WDCP: variants seen among roughly 807,000 people sequenced by gnomAD.
WDCP encodes WD repeat and coiled-coil-containing protein.
In WDCP, 19 loss-of-function variants were observed where a neutral mutation model predicts 41.6. The ratio of observed to expected loss-of-function variants is 0.46; its 90% CI spans 0.32 to 0.67. The LOEUF is 0.67. Among genes scored for constraint, WDCP ranks in the 30% least tolerant of loss-of-function variants. The probability of loss-of-function intolerance (pLI) is 0.04; values close to 1 mark genes in which losing one functional copy is unlikely to be tolerated. For missense variants in WDCP, 802 were observed against 850.7 expected (o/e 0.94, Z 0.71); for synonymous variants, 302 against 320.8 (o/e 0.94, Z 0.63).
chr2:24,038,039 T>C lies in WDCP; in HGVS notation c.1456A>G (p.Ser486Gly), dbSNP rs1002493346. 1.9e-6 allele frequency: 3 copies of C among 1,614,212 alleles called. No individual in the cohort carries two copies. Among genetic ancestry groups the C allele is most frequent in the Non-Finnish European group, 2.5e-6 (3 of 1,180,028 alleles). ...KGLLLTVNTSSQNGRPGRTLI... is the reference protein window; with the variant it reads ...KGLLLTVNTSGQNGRPGRTLI... The stretch of plus-strand genomic sequence containing the variant: ...GTTCTTCCAGGCCTTCCATTCTGAC[T>C]ACTGGTATTAACTGTCAGCAACAGC... Residue 486 changes from serine (S) to glycine (G), a missense_variant, in exon 2 of 4, where the codon AGT becomes GGT. Coordinates refer to ENST00000295148, the MANE Select transcript of WDCP (RefSeq NM_025203.3).
intron 1 of WDCP, among the ~76,000 whole-genome samples, chr2:24,044,252 A>G (rs915811049): frequency 4.0e-5 from 6 of 150,792 alleles, no homozygotes; most frequent in Non-Finnish European, 7.4e-5. Flanking sequence ...AAAAACAAAC[A>G]TAAGTTTACT....
intron 2 of WDCP, 65 bp downstream of exon 2, chr2:24,037,612 C>T: frequency 1.4e-6 from 2 of 1,464,860 alleles, no homozygotes; most frequent in South Asian, 2.7e-5. Flanking sequence ...CAATACGTTT[C>T]TTGCAGTACT....
At chr2:24,033,048 C>G (rs1478056593) in intron 2 of WDCP, 102 bp from the exon 3 acceptor site, 1 of 763,706 alleles carries the variant, frequency 1.3e-6, no homozygotes, top group Admixed American at 2.1e-5. Flanking sequence ...AAATTCTTAT[C>G]TATTACCACT....
chr2:24,042,702 T>C (rs1248607679), intron 1 of WDCP, among the ~76,000 whole-genome samples: 16 of 143,036 alleles, frequency 1.1e-4, no homozygotes, highest in Non-Finnish European at 1.1e-4. Flanking sequence ...AGAGTGAAAC[T>C]CTGTCTCAAA....
rs1205725858 is a variant in WDCP at position 24,038,038 on chromosome 2, C to T, written c.1457G>A (p.Ser486Asn). 1.9e-6 allele frequency: 3 copies of T among 1,614,046 alleles called. No individual in the cohort carries two copies. The African/African-American group carries it at 4.0e-5, about 22-fold the overall frequency. ...KGLLLTVNTS[S>N]QNGRPGRTLI... Reference sequence around the variant, plus strand: ...TGTTCTTCCAGGCCTTCCATTCTGACTACTGGTATTAACTGTCAGCAACAG... The same window carrying T: ...TGTTCTTCCAGGCCTTCCATTCTGATTACTGGTATTAACTGTCAGCAACAG... The change falls in exon 2 of 4, where the codon AGT (serine) becomes AAT (asparagine). Residue 486 changes from serine (S) to asparagine (N), a missense_variant. Ser to Asn is a conservative substitution (Grantham distance 46, BLOSUM62 1). Transcript: ENST00000295148.
chr2:24,035,873 A>G (rs931532072), intron 2 of WDCP, among the ~76,000 whole-genome samples: 315 of 151,832 alleles, frequency 2.1e-3, no homozygotes, highest in African/African-American at 5.5e-3. Flanking sequence ...GATTGAGCTC[A>G]TCCTGGCCAA....
In WDCP at chr2:24,036,985, T is replaced by C. The variant is rs571502691; in HGVS notation, c.1818+692A>G. ...ATCCCACTTATATAATGTTTGGACA[T>C]GCATGCATAAAGAAATGCATCAAAA... On this transcript the variant is annotated intron_variant, in intron 2 of 3. Coordinates refer to ENST00000295148, the MANE Select transcript of WDCP (RefSeq NM_025203.3). 2.6e-5 allele frequency among the ~76,000 whole-genome samples: 4 copies of C among 152,376 alleles called. No individual in the cohort carries two copies. In the East Asian group the frequency reaches 7.7e-4, roughly 29 times the overall value.
At chr2:24,042,339 C>A (rs1663469263) in intron 1 of WDCP, among the ~76,000 whole-genome samples, 1 of 151,870 alleles carries the variant, frequency 6.6e-6, no homozygotes, top group Non-Finnish European at 1.5e-5. Context: ...AGATCGAGAC[C>A]ATCCTGGCTA....
chr2:24,039,236 C>T lies in WDCP; in HGVS notation c.259G>A (p.Val87Met). ...LAVQHEKHVTVWQLCPSPMES... is the reference protein window; with the variant it reads ...LAVQHEKHVTMWQLCPSPMES... ...ATAGGGCTGGGACACAGCTGCCACA[C>T]AGTGACATGCTTCTCATGCTGGACA... The change falls in exon 2 of 4, where the codon GTG becomes ATG. Residue 87 changes from valine (V) to methionine (M), a missense_variant. Physicochemically the swap from Val to Met is conservative, Grantham distance 21. This residue lies in a region of WDCP where 214 missense variants were observed against 252.9 expected (regional missense o/e 0.85). Coordinates refer to ENST00000295148, the MANE Select transcript of WDCP (RefSeq NM_025203.3). 1 of 1,614,262 alleles carries T rather than the reference C, an allele frequency of 6.2e-7. No individual in the cohort carries two copies. The highest frequency in any genetic ancestry group is 8.5e-7 in the Non-Finnish European group (1 of 1,180,042).
At chr2:24,045,999 G>A (rs1281157768) in intron 1 of WDCP, 1 of 151,946 alleles carries the variant, frequency 6.6e-6, no homozygotes, top group Non-Finnish European at 1.5e-5. Flanking sequence ...TCCCACACCT[G>A]CAGTCCTAGT....
At chr2:24,045,493 T>C (rs1202389078) in intron 1 of WDCP, among the ~76,000 whole-genome samples, 1 of 150,194 alleles carries the variant, frequency 6.7e-6, no homozygotes, top group Non-Finnish European at 1.5e-5. Flanking sequence ...TCCAGCTACT[T>C]GGGAGGCTGC....
chr2:24,044,909 A>C (rs1367707583), intron 1 of WDCP, among the ~76,000 whole-genome samples: 1 of 152,132 alleles, frequency 6.6e-6, no homozygotes, highest in African/African-American at 2.4e-5. Flanking sequence ...TACAGTATAT[A>C]AAAAGCCTCA....
At chr2:24,041,942 A>G (rs1294498828) in intron 1 of WDCP, among the ~76,000 whole-genome samples, 2 of 152,030 alleles carry the variant, frequency 1.3e-5, no homozygotes, top group African/African-American at 4.8e-5. Flanking sequence ...ATACCTGAAT[A>G]CTCACTTTGA....
intron 1 of WDCP, among the ~76,000 whole-genome samples, chr2:24,043,165 C>G (rs1663507615): frequency 6.6e-6 from 1 of 152,080 alleles, no homozygotes; most frequent in African/African-American, 2.4e-5. Context: ...GAAACCTCGT[C>G]TCTACTAAAA....
rs145288775 is a variant in WDCP at position 24,038,521 on chromosome 2, T to G, written c.974A>C (p.Lys325Thr). Residue 325 changes from lysine to threonine, a missense_variant, in exon 2 of 4, where the codon AAG becomes ACG. Transcript: ENST00000295148. ...TTTTCTCGTCATGGTAACTGCCTTC[T>G]TAAAGGTCACAAGGACCAAATGTGA... ...DSSHLVLVTF[K>T]KAVTMTRKVT... 1 of 1,614,254 alleles carries G rather than the reference T, an allele frequency of 6.2e-7. No homozygotes were observed. The highest frequency in any genetic ancestry group is 8.5e-7 in the Non-Finnish European group (1 of 1,180,048).
chr2:24,046,835 T>C (rs947858727), intron 1 of WDCP, among the ~76,000 whole-genome samples: 1 of 152,214 alleles, frequency 6.6e-6, no homozygotes, highest in Non-Finnish European at 1.5e-5. Context: ...TTTTCAGTTA[T>C]ACTGTGCAAC....
chr2:24,039,023 G>A lies in WDCP; in HGVS notation c.472C>T (p.Arg158Cys), dbSNP rs766071766. The A allele has an allele frequency of 2.6e-5, 42 of 1,613,996 alleles. 1 individual carries two copies. The highest frequency in any genetic ancestry group is 4.4e-5 in the South Asian group (4 of 91,080). ...QVKADINTQG[R>C]IHCACWTQDG... Reference sequence around the variant, plus strand: ...TGGGTCCAACATGCACAGTGAATGCGGCCCTGGGTGTTGATGTCTGCCTTT... The same window carrying A: ...TGGGTCCAACATGCACAGTGAATGCAGCCCTGGGTGTTGATGTCTGCCTTT... The change falls in exon 2 of 4, where the codon CGC becomes TGC. Residue 158 changes from arginine (R) to cysteine (C), a missense_variant. Physicochemically the swap from Arg to Cys is radical, Grantham distance 180. This residue lies in a region of WDCP where 214 missense variants were observed against 252.9 expected (regional missense o/e 0.85). Transcript: ENST00000295148.
intron 1 of WDCP, among the ~76,000 whole-genome samples, chr2:24,042,121 C>G (rs35933493): frequency 0.46 from 70,144 of 151,836 alleles, 16,910 homozygotes; most frequent in African/African-American, 0.56. Flanking sequence ...TAGTATAAAG[C>G]CTGGGTGTGG....
chr2:24,038,537 C>T lies in WDCP; in HGVS notation c.958G>A (p.Val320Ile). The T allele has an allele frequency of 6.2e-7, 1 of 1,614,216 alleles. No homozygotes were observed. Among genetic ancestry groups the T allele is most frequent in the South Asian group, 1.1e-5 (1 of 91,084 alleles). ...TGTGQDSSHL[V>I]LVTFKKAVTM... ...ACTGCCTTCTTAAAGGTCACAAGGA[C>T]CAAATGTGAAGAATCTTGGCCAGTT... is the stretch of plus-strand genomic sequence containing the variant. Residue 320 changes from valine to isoleucine, a missense_variant, in exon 2 of 4, where the codon GTC becomes ATC. Coordinates refer to ENST00000295148, the MANE Select transcript of WDCP (RefSeq NM_025203.3).
Sources: gnomAD v4.1 joint callset for allele counts (sites outside exome capture counted in the v4.1 genomes callset) on GRCh38, gnomAD v4.1.1 for gene constraint, gnomAD v4.1.1 regional missense constraint, MANE v1.5 for transcripts, NCBI Gene and HGNC (gene_info 2026-07-23, HGNC 2026-07-21) for gene names.